HS3ST4: variants seen among roughly 807,000 people sequenced by gnomAD.
The protein encoded by HS3ST4 is heparan sulfate glucosamine 3-O-sulfotransferase 4.
Under a neutral mutation model 29.2 loss-of-function variants are expected in HS3ST4, and 17 were observed. That is an observed-to-expected ratio of 0.58 (90% CI 0.40 to 0.87). HS3ST4 has a LOEUF of 0.87. HS3ST4 is among the 40% of genes least tolerant of loss of function. The probability of loss-of-function intolerance (pLI) is 0.00; values close to 1 mark genes in which losing one functional copy is unlikely to be tolerated. For synonymous variants in HS3ST4, 314 were observed against 285.7 expected (o/e 1.10, Z -1.00); for missense variants, 627 against 634.5 (o/e 0.99, Z 0.13).
intron 1 of HS3ST4, among the ~76,000 whole-genome samples, chr16:25,781,550 G>A (rs1482978850): frequency 6.6e-6 from 1 of 152,110 alleles, no homozygotes; most frequent in Admixed American, 6.5e-5. Context: ...GGACACATGA[G>A]CTTCTGCACA....
chr16:25,923,276 A>G (rs1423202784), intron 1 of HS3ST4, among the ~76,000 whole-genome samples: 1 of 152,196 alleles, frequency 6.6e-6, no homozygotes, highest in Non-Finnish European at 1.5e-5. Context: ...GCTGATGCTA[A>G]TTGGAAGATA....
chr16:25,872,129 TA>T (rs1302213955), intron 1 of HS3ST4, among the ~76,000 whole-genome samples: 1 of 152,282 alleles, frequency 6.6e-6, no homozygotes, highest in East Asian at 1.9e-4. Context: ...ATAAATTATT[TA>T]AAAAGTGACT....
rs572640513 is a variant in HS3ST4 at position 25,815,267 on chromosome 16, C to T, written c.734+122116C>T. ...ATCATTGAAGTGTGAATTTCACCCC[C>T]GTGGGGCTGGGTGCAGGGTTTGTGG... On this transcript the variant is annotated intron_variant, in intron 1 of 1. Transcript: ENST00000331351. Among the ~76,000 whole-genome samples, 9 of 152,268 alleles carry T rather than the reference C, an allele frequency of 5.9e-5. No individual in the cohort carries two copies. In the South Asian group the frequency reaches 1.0e-3, roughly 18 times the overall value.
chr16:25,712,211 A>T (rs1966420161), intron 1 of HS3ST4, among the ~76,000 whole-genome samples: 1 of 152,178 alleles, frequency 6.6e-6, no homozygotes, highest in Non-Finnish European at 1.5e-5. Context: ...AATTATAGAA[A>T]TAAATTGCAG....
intron 1 of HS3ST4, among the ~76,000 whole-genome samples, chr16:25,828,248 CTTTCTTTCTT>C (rs1967245581): frequency 3.3e-5 from 2 of 60,484 alleles, no homozygotes; most frequent in East Asian, 7.3e-4. Flanking sequence ...CTTTCTCTTT[CTTTCTTTCTT>C]TCTTTCTTTC....
chr16:25,770,928 C>A (rs1385777904), intron 1 of HS3ST4, among the ~76,000 whole-genome samples: 1 of 152,042 alleles, frequency 6.6e-6, no homozygotes, highest in Non-Finnish European at 1.5e-5. Context: ...TTTGGGTCCT[C>A]AGGATGATCC....
chr16:25,740,901 A>G (rs1259217905), intron 1 of HS3ST4, among the ~76,000 whole-genome samples: 4 of 152,170 alleles, frequency 2.6e-5, no homozygotes, highest in Non-Finnish European at 5.9e-5. Flanking sequence ...GCTAAGATCC[A>G]TGGAAAAAAG....
intron 1 of HS3ST4, among the ~76,000 whole-genome samples, chr16:25,710,694 A>G (rs1966409274): frequency 6.6e-6 from 1 of 151,612 alleles, no homozygotes; most frequent in South Asian, 2.1e-4. Flanking sequence ...GATTCTGAAG[A>G]CTTCTTCAGA....
intron 1 of HS3ST4, among the ~76,000 whole-genome samples, chr16:25,911,853 C>T (rs528781602): frequency 2.0e-5 from 3 of 152,168 alleles, no homozygotes; most frequent in African/African-American, 7.2e-5. Context: ...TGTCTCTGTT[C>T]ACCTCTGTGT....
At chr16:26,037,205 T>C (rs113829492) in intron 1 of HS3ST4, among the ~76,000 whole-genome samples, 143 of 152,300 alleles carry the variant, frequency 9.4e-4, no homozygotes, top group African/African-American at 3.3e-3. Context: ...TCCACTCTAG[T>C]CCTTCACCTG....
At chr16:25,778,892 T>G (rs976741221) in intron 1 of HS3ST4, among the ~76,000 whole-genome samples, 1 of 152,182 alleles carries the variant, frequency 6.6e-6, no homozygotes, top group African/African-American at 2.4e-5. Context: ...ACTCAACGAT[T>G]GCAAATCAAA....
intron 1 of HS3ST4, among the ~76,000 whole-genome samples, chr16:26,032,374 C>G (rs1969539034): frequency 6.6e-6 from 1 of 151,728 alleles, no homozygotes; most frequent in African/African-American, 2.4e-5. Context: ...TGACATATGC[C>G]CCTTCCCCCA....
chr16:26,028,255 A>G (rs1296534909), intron 1 of HS3ST4, among the ~76,000 whole-genome samples: 3 of 142,318 alleles, frequency 2.1e-5, no homozygotes, highest in Non-Finnish European at 3.0e-5. Flanking sequence ...CCTGGGTGAC[A>G]GAGTGAGACA....
At chr16:25,792,361 G>A (rs1426075153) in intron 1 of HS3ST4, among the ~76,000 whole-genome samples, 2 of 151,556 alleles carry the variant, frequency 1.3e-5, no homozygotes, top group Non-Finnish European at 3.0e-5. Context: ...GGAATGTTTC[G>A]TGAAAAACTG....
chr16:25,955,281 A>G (rs1389150727), intron 1 of HS3ST4, among the ~76,000 whole-genome samples: 1 of 152,212 alleles, frequency 6.6e-6, no homozygotes, highest in Non-Finnish European at 1.5e-5. Context: ...GTAGAGGGTT[A>G]TGGCACTAGG....
At chr16:25,779,732 C>T (rs1003254377) in intron 1 of HS3ST4, among the ~76,000 whole-genome samples, 26 of 152,120 alleles carry the variant, frequency 1.7e-4, no homozygotes, top group African/African-American at 5.8e-4. Context: ...TTCTTTTTTC[C>T]ACCAAGCTCA....
intron 1 of HS3ST4, among the ~76,000 whole-genome samples, chr16:25,710,744 G>T (rs545078337): frequency 1.2e-4 from 18 of 148,056 alleles, no homozygotes; most frequent in Admixed American, 8.8e-4. Flanking sequence ...TTTAAAAGCA[G>T]ATTGTACAGA....
At position 25,978,936 on chromosome 16, in the gene HS3ST4, C is replaced by CTTTT. The variant is rs1183206964; in HGVS notation, c.735-156674_735-156671dup. Among the ~76,000 whole-genome samples the CTTTT allele has an allele frequency of 5.3e-4, 30 of 56,986 alleles. 1 individual carries two copies. Among genetic ancestry groups the CTTTT allele is most frequent in the African/African-American group, 8.3e-4 (12 of 14,402 alleles). 37.4% of individuals were successfully genotyped at this position (56,986 alleles called of 152,430 possible). A position where few individuals can be genotyped will look rare whatever the true frequency, so the allele number is the denominator to read the frequency against. On this transcript the variant is annotated intron_variant, in intron 1 of 1. Transcript: ENST00000331351. Reference sequence around the variant, plus strand: ...ATGCCATCTTTGACTTGTTCTTTCTCTTTTTGTTTTTTTTTTTTTTTGAGA... The same window carrying CTTTT: ...ATGCCATCTTTGACTTGTTCTTTCTCTTTTTTTTTGTTTTTTTTTTTTTTTGAGA...
chr16:25,747,636 C>T (rs10852291), intron 1 of HS3ST4, among the ~76,000 whole-genome samples: 23,032 of 152,214 alleles, frequency 0.15, 1,953 homozygotes, highest in African/African-American at 0.23. Context: ...AGTGGAAGAA[C>T]CAGAACTCAA....
Sources: gnomAD v4.1 joint callset for allele counts (sites outside exome capture counted in the v4.1 genomes callset) on GRCh38, gnomAD v4.1.1 for gene constraint, MANE v1.5 for transcripts, NCBI Gene and HGNC (gene_info 2026-07-23, HGNC 2026-07-21) for gene names.